The following NSRP1 variants were observed in gnomAD, a reference collection of about 807,000 sequenced individuals.
The protein encoded by NSRP1 is nuclear speckle splicing regulatory protein 1.
In NSRP1, 24 loss-of-function variants were observed where a neutral mutation model predicts 54.7. The ratio of observed to expected loss-of-function variants is 0.44; its 90% CI spans 0.32 to 0.62. The LOEUF is 0.62. Ranked by LOEUF, NSRP1 falls within the 20% of genes least tolerant of loss-of-function variation. NSRP1 has a pLI of 0.06. For missense variants in NSRP1, 596 were observed against 651.2 expected (o/e 0.92, Z 0.92); for synonymous variants, 210 against 213.8 (o/e 0.98, Z 0.15).
chr17:30,122,033 A>T (rs1280852410), intron 2 of NSRP1, among the ~76,000 whole-genome samples: 4 of 152,090 alleles, frequency 2.6e-5, no homozygotes, highest in Non-Finnish European at 5.9e-5. Context: ...CCTATTCTGC[A>T]CATTTCATAT....
At chr17:30,156,418 T>C (rs2071963003) in intron 2 of NSRP1, 3 of 151,468 alleles carry the variant, frequency 2.0e-5, no homozygotes, top group African/African-American at 4.9e-5. Flanking sequence ...TTCATACATA[T>C]GGGTGAGTAC....
rs778801204 is a variant in NSRP1 at position 30,185,027 on chromosome 17, C to T, written c.1030C>T (p.His344Tyr). The change falls in exon 7 of 7, where the codon CAT (histidine) becomes TAT (tyrosine). Residue 344 changes from histidine (H) to tyrosine (Y), a missense_variant. His to Tyr is a moderately conservative substitution (Grantham distance 83). Coordinates refer to ENST00000247026, the MANE Select transcript of NSRP1 (RefSeq NM_032141.4). ...DRDYRKERDSHRHREASHRDS... is the reference protein window; with the variant it reads ...DRDYRKERDSYRHREASHRDS... ...TGATTACCGGAAAGAAAGGGATTCT[C>T]ATAGGCACAGAGAGGCCAGTCATAG... 6.2e-6 allele frequency: 10 copies of T among 1,613,934 alleles called. No individual in the cohort carries two copies. The highest frequency in any genetic ancestry group is 8.5e-7 in the Non-Finnish European group (1 of 1,180,026).
At chr17:30,151,412 T>C (rs374480864) in intron 2 of NSRP1, among the ~76,000 whole-genome samples, 1 of 152,204 alleles carries the variant, frequency 6.6e-6, no homozygotes, top group South Asian at 2.1e-4. Context: ...GCTAACACAC[T>C]TTTTATATGT....
At chr17:30,121,125 A>G (rs1403368958) in intron 2 of NSRP1, among the ~76,000 whole-genome samples, 1 of 152,208 alleles carries the variant, frequency 6.6e-6, no homozygotes, top group Non-Finnish European at 1.5e-5. Context: ...TACGGTTGTA[A>G]CAGGATTGGG....
chr17:30,174,928 G>T (rs1007051130), intron 3 of NSRP1, among the ~76,000 whole-genome samples: 1 of 152,148 alleles, frequency 6.6e-6, no homozygotes, highest in African/African-American at 2.4e-5. Flanking sequence ...GTGAGACTGG[G>T]CAGAATAGGA....
intron 2 of NSRP1, among the ~76,000 whole-genome samples, chr17:30,124,874 G>A (rs2071636541): frequency 6.6e-6 from 1 of 152,112 alleles, no homozygotes; most frequent in African/African-American, 2.4e-5. Context: ...TCTTTTTACT[G>A]AGAAGTAAAT....
At position 30,186,415 on chromosome 17, in the gene NSRP1, CTAAA is replaced by C. The variant is rs1905544633; in HGVS notation, c.*744_*747del. ...AAGTATAAAATGTGAATCATCTTGT[CTAAA>C]TAGCTTACAGCATAGTTGGCTTAAA... On this transcript the variant is annotated 3_prime_UTR_variant, in exon 7 of 7. Coordinates refer to ENST00000247026, the MANE Select transcript of NSRP1 (RefSeq NM_032141.4). The C allele has an allele frequency of 6.6e-6, 1 of 152,092 alleles. No homozygotes were observed. 9.4% of individuals were successfully genotyped at this position (152,092 alleles called of 1,614,324 possible).
intron 2 of NSRP1, among the ~76,000 whole-genome samples, chr17:30,123,794 C>T (rs1440422724): frequency 6.6e-6 from 1 of 151,788 alleles, no homozygotes; most frequent in Non-Finnish European, 1.5e-5. Context: ...TCCAGTTGTC[C>T]CAGCACCTTT....
chr17:30,178,931 A>G (rs908167599), intron 4 of NSRP1, among the ~76,000 whole-genome samples, 159 bp from the exon 5 acceptor site: 14 of 152,158 alleles, frequency 9.2e-5, no homozygotes, highest in African/African-American at 3.4e-4. Context: ...TATGGAAAAC[A>G]GTTTCAATAT....
rs184309966 is a variant in NSRP1, at chr17:30,139,782, T to C, written c.114+21609T>C. On this transcript the variant is annotated intron_variant, in intron 2 of 6. Coordinates refer to ENST00000247026, the MANE Select transcript of NSRP1 (RefSeq NM_032141.4). ...GCTCACGCCTGTAATCCCAGCACTTTGGGAGGCTGAGGCGGGCGGATCATG... is the reference window on the plus strand; with the variant it reads ...GCTCACGCCTGTAATCCCAGCACTTCGGGAGGCTGAGGCGGGCGGATCATG... Among the ~76,000 whole-genome samples the C allele has an allele frequency of 3.3e-4, 50 of 152,288 alleles. No homozygotes were observed. In the East Asian group the frequency reaches 9.1e-3, roughly 28 times the overall value.
intron 2 of NSRP1, among the ~76,000 whole-genome samples, chr17:30,157,999 A>C (rs1441037540): frequency 6.6e-6 from 1 of 152,202 alleles, no homozygotes; most frequent in Admixed American, 6.5e-5. Flanking sequence ...CTTTGGATAG[A>C]TACCCAATAG....
intron 3 of NSRP1, among the ~76,000 whole-genome samples, chr17:30,176,010 C>CA (rs919830212): frequency 8.1e-6 from 1 of 122,840 alleles, no homozygotes; most frequent in Non-Finnish European, 1.7e-5. Context: ...ACCCCCCCCC[C>CA]AAAAAAAAAG....
intron 2 of NSRP1, among the ~76,000 whole-genome samples, chr17:30,129,353 GT>G (rs1280063630): frequency 6.6e-6 from 1 of 150,710 alleles, no homozygotes; most frequent in Non-Finnish European, 1.5e-5. Flanking sequence ...GGTAGTGTGA[GT>G]TTTTTTTCAA....
chr17:30,119,619 C>T (rs546208468), intron 2 of NSRP1, among the ~76,000 whole-genome samples: 132 of 152,276 alleles, frequency 8.7e-4, no homozygotes, highest in African/African-American at 3.1e-3. Context: ...TCTCCTGCCT[C>T]AGCCTGCTGA....
At chr17:30,162,228 C>T (rs189143818) in intron 2 of NSRP1, among the ~76,000 whole-genome samples, 9 of 152,200 alleles carry the variant, frequency 5.9e-5, no homozygotes, top group Non-Finnish European at 1.0e-4. Flanking sequence ...GATGGGGTTT[C>T]GCTGTTTTAG....
chr17:30,118,817 C>T (rs1456167367), intron 2 of NSRP1, among the ~76,000 whole-genome samples: 4 of 150,486 alleles, frequency 2.7e-5, no homozygotes, highest in Non-Finnish European at 5.9e-5. Flanking sequence ...GCCGCGATCT[C>T]GGCTCACTGC....
At chr17:30,128,123 G>A in intron 2 of NSRP1, 1 of 331,868 alleles carries the variant, frequency 3.0e-6, no homozygotes, top group Non-Finnish European at 5.4e-6. Flanking sequence ...ATAGGTGTGA[G>A]CCACTGCACC....
chr17:30,133,785 T>C (rs2151882621), intron 2 of NSRP1, among the ~76,000 whole-genome samples: 2 of 152,356 alleles, frequency 1.3e-5, no homozygotes, highest in South Asian at 4.1e-4. Context: ...AAGGGAACAT[T>C]GTGGCTAGTT....
chr17:30,159,098 G>A (rs1199888848), intron 2 of NSRP1, among the ~76,000 whole-genome samples: 1 of 152,054 alleles, frequency 6.6e-6, no homozygotes, highest in Non-Finnish European at 1.5e-5. Context: ...CATGAACATG[G>A]GATGTCTTTC....
Sources: allele counts gnomAD v4.1 joint callset (sites outside exome capture counted in the v4.1 genomes callset), GRCh38; gene constraint gnomAD v4.1.1; transcripts MANE v1.5; gene names NCBI Gene and HGNC (gene_info 2026-07-23, HGNC 2026-07-21).